Variants in ATP5IF1 observed in about 807,000 individuals in gnomAD.
The protein encoded by ATP5IF1 is ATP synthase inhibitory factor subunit 1, also known as ATPase inhibitor, mitochondrial.
ATP5IF1 carries 12 observed loss-of-function variants against 8.5 expected under a neutral mutation model. That is an observed-to-expected ratio of 1.41 (90% CI 0.90 to 2.28). The LOEUF (loss-of-function observed/expected upper bound fraction) is 2.28. Ranked by LOEUF, ATP5IF1 falls within the 30% of genes most tolerant of loss-of-function variation. The pLI is 0.00. For missense variants in ATP5IF1, 154 were observed against 140.2 expected, an observed-to-expected ratio of 1.10 and a Z score of -0.50; for synonymous variants, 51 against 53.4, an observed-to-expected ratio of 0.96 and a Z score of 0.19.
At chr1:28,237,216 A>G in intron 2 of ATP5IF1, 1 of 991,282 alleles carries the variant, frequency 1.0e-6, no homozygotes, top group Non-Finnish European at 1.2e-6. Flanking sequence ...AATTATCACC[A>G]TGACACCTGC....
intron 2 of ATP5IF1, chr1:28,237,497 C>T: frequency 2.2e-6 from 3 of 1,342,144 alleles, no homozygotes; most frequent in East Asian, 2.9e-5. Flanking sequence ...ACCCCTTTGT[C>T]TGTCTTCCTC....
Position 28,236,136 on chromosome 1 carries a change from G to C in ATP5IF1, c.-48G>C, listed in dbSNP as rs769016974. ...CGTCCCTGCCATTAGCGCGTAACGA[G>C]AGACTGCTTGCTGCGGCAGAGACGC... On this transcript the variant is annotated 5_prime_UTR_variant, in exon 1 of 3. Transcript: ENST00000335514. The C allele has an allele frequency of 6.2e-7, 1 of 1,603,536 alleles. No homozygotes were observed. Among genetic ancestry groups the C allele is most frequent in the African/African-American group, 1.3e-5 (1 of 74,912 alleles).
chr1:28,237,156 A>C (rs1489807529), intron 2 of ATP5IF1: 1 of 991,988 alleles, frequency 1.0e-6, no homozygotes, highest in Non-Finnish European at 1.2e-6. Flanking sequence ...GTGAGGAATT[A>C]ATCTTGCTTT....
intron 2 of ATP5IF1, chr1:28,237,408 C>G: frequency 4.5e-6 from 5 of 1,100,846 alleles, no homozygotes; most frequent in Non-Finnish European, 5.5e-6. Context: ...ATTGGCCTTA[C>G]AGTGGGCCAT....
chr1:28,236,688 G>A (rs1647039874), intron 2 of ATP5IF1: 2 of 1,431,392 alleles, frequency 1.4e-6, no homozygotes, highest in Middle Eastern at 2.6e-4. Context: ...TTCCACCGGC[G>A]GGTCTCCAAA....
chr1:28,238,070 T>A lies in ATP5IF1; in HGVS notation c.*92T>A. ...TAACTAATATTTGTCTGTGTGCTACTAACAGATTATAATAAATTGTCATCA... is the reference window on the plus strand; with the variant it reads ...TAACTAATATTTGTCTGTGTGCTACAAACAGATTATAATAAATTGTCATCA... On this transcript the variant is annotated 3_prime_UTR_variant, in exon 3 of 3. Coordinates refer to ENST00000335514, the MANE Select transcript of ATP5IF1 (RefSeq NM_016311.5). The A allele has an allele frequency of 8.0e-7, 1 of 1,252,734 alleles. No homozygotes were observed. Among genetic ancestry groups the A allele is most frequent in the Non-Finnish European group, 1.1e-6 (1 of 907,826 alleles). 77.6% of individuals were successfully genotyped at this position (1,252,734 alleles called of 1,614,324 possible).
At chr1:28,236,783 T>C (rs1647040919) in intron 2 of ATP5IF1, 2 of 1,252,538 alleles carry the variant, frequency 1.6e-6, no homozygotes, top group Admixed American at 3.4e-5. Context: ...CCCCAGATTC[T>C]TCGCACAGTG....
In ATP5IF1 at chr1:28,238,061, G is replaced by T. The variant is rs115245379; in HGVS notation, c.*83G>T. Reference sequence around the variant, plus strand: ...GTTCTGGTTTAACTAATATTTGTCTGTGTGCTACTAACAGATTATAATAAA... The same window carrying T: ...GTTCTGGTTTAACTAATATTTGTCTTTGTGCTACTAACAGATTATAATAAA... On this transcript the variant is annotated 3_prime_UTR_variant, in exon 3 of 3. Transcript: ENST00000335514. The T allele has an allele frequency of 3.7e-4, 501 of 1,340,970 alleles. 3 individuals are homozygous for T. In the African/African-American group the frequency reaches 6.0e-3, roughly 16 times the overall value. The allele number at this position is 1,340,970 out of a possible 1,614,324, so 83.1% of individuals were successfully genotyped here.
At position 28,238,074 on chromosome 1, in the gene ATP5IF1, A is replaced by G; in HGVS notation, c.*96A>G. The G allele has an allele frequency of 8.0e-7, 1 of 1,248,934 alleles. No homozygotes were observed. The highest frequency in any genetic ancestry group is 1.1e-6 in the Non-Finnish European group (1 of 906,260). 77.4% of individuals were successfully genotyped at this position (1,248,934 alleles called of 1,614,324 possible). The stretch of plus-strand genomic sequence containing the variant: ...TAATATTTGTCTGTGTGCTACTAAC[A>G]GATTATAATAAATTGTCATCAGTGA... On this transcript the variant is annotated 3_prime_UTR_variant, in exon 3 of 3. Transcript: ENST00000335514.
At chr1:28,237,715 G>T (rs369695947) in intron 2 of ATP5IF1, 122 bp from the exon 3 acceptor site, 3 of 1,610,418 alleles carry the variant, frequency 1.9e-6, no homozygotes, top group Middle Eastern at 1.7e-4. Flanking sequence ...AGAAGAGGAT[G>T]ACCAGCTAGA....
In ATP5IF1 at chr1:28,237,872, A is replaced by G; in HGVS notation, c.215A>G (p.Lys72Arg). 1 of 1,614,208 alleles carries G rather than the reference A, an allele frequency of 6.2e-7. No homozygotes were observed. The highest frequency in any genetic ancestry group is 8.5e-7 in the Non-Finnish European group (1 of 1,180,048). Residue 72 changes from lysine to arginine, a missense_variant, in exon 3 of 3, where the codon AAA becomes AGA. Lys to Arg is a conservative substitution (Grantham distance 26). Transcript: ENST00000335514. ...QSREQLAALK[K>R]HHEEEIVHHK... ...AGAGAACAACTGGCAGCTTTGAAAAAACACCATGAAGAAGAAATCGTTCAT... is the reference window on the plus strand; with the variant it reads ...AGAGAACAACTGGCAGCTTTGAAAAGACACCATGAAGAAGAAATCGTTCAT...
chr1:28,236,583 C>A, intron 2 of ATP5IF1, 131 bp downstream of exon 2: 1 of 1,544,738 alleles, frequency 6.5e-7, no homozygotes, highest in South Asian at 1.2e-5. Context: ...CTCCCGGGCC[C>A]CAATCCAGTA....
rs752869401 is a variant in ATP5IF1 at position 28,237,846 on chromosome 1, T to A, written c.189T>A (p.Ser63Arg). Residue 63 changes from serine to arginine, a missense_variant, in exon 3 of 3, where the codon AGT becomes AGA. Transcript: ENST00000335514. The stretch of plus-strand genomic sequence containing the variant: ...CACCGTGTCCTTGTAGAGCACAGAG[T>A]AGAGAACAACTGGCAGCTTTGAAAA... The part of the protein sequence containing the change: ...AEEERYFRAQ[S>R]REQLAALKKH... 6.2e-7 allele frequency: 1 copy of A among 1,613,970 alleles called. No homozygotes were observed. The highest frequency in any genetic ancestry group is 2.2e-5 in the East Asian group (1 of 44,878).
intron 2 of ATP5IF1, chr1:28,237,329 C>T (rs550991437): frequency 1.7e-4 from 167 of 1,007,678 alleles, no homozygotes; most frequent in Middle Eastern, 1.0e-3. Flanking sequence ...ACCAAACCAA[C>T]ATTGTAATCC....
intron 1 of ATP5IF1, 25 bp from the exon 2 acceptor site, chr1:28,236,336 T>TACC: frequency 1.2e-6 from 2 of 1,614,212 alleles, no homozygotes; most frequent in Non-Finnish European, 1.7e-6. Flanking sequence ...TCCGTACCTT[T>TACC]ACCAGTGTCC....
At chr1:28,237,010 C>A (rs1217068587) in intron 2 of ATP5IF1, 49 of 1,024,518 alleles carry the variant, frequency 4.8e-5, no homozygotes, top group Non-Finnish European at 5.6e-5. Flanking sequence ...ACACCATCTT[C>A]TAAAGGCTTT....
Position 28,237,185 on chromosome 1 carries a change from T to C in ATP5IF1, c.180-652T>C, listed in dbSNP as rs533785720. On this transcript the variant is annotated intron_variant, in intron 2 of 2. Coordinates refer to ENST00000335514, the MANE Select transcript of ATP5IF1 (RefSeq NM_016311.5). ...TTGCTTTTGCTTGTCCTTTGGCCTT[T>C]CACTTCTGCCTTCTGTTGAGAATTA... The C allele has an allele frequency of 1.5e-4, 145 of 991,478 alleles. No individual in the cohort carries two copies. The African/African-American group carries it at 2.4e-3, about 16-fold the overall frequency. The allele number at this position is 991,478 out of a possible 1,614,324, so 61.4% of individuals were successfully genotyped here. A position where few individuals can be genotyped will look rare whatever the true frequency, so the allele number is the denominator to read the frequency against.
chr1:28,237,572 A>G, intron 2 of ATP5IF1: 1 of 1,442,040 alleles, frequency 6.9e-7, no homozygotes, highest in Non-Finnish European at 9.1e-7. Context: ...CTCATAAGGT[A>G]TTAGGGACTT....
At chr1:28,237,736 A>G (rs752878076) in intron 2 of ATP5IF1, 101 bp from the exon 3 acceptor site, 3 of 1,613,568 alleles carry the variant, frequency 1.9e-6, no homozygotes, top group Admixed American at 1.7e-5. Flanking sequence ...CTCCCATGGA[A>G]TTGGAACTCC....
Sources: allele counts gnomAD v4.1 joint callset, GRCh38; gene constraint gnomAD v4.1.1; transcripts MANE v1.5; gene names NCBI Gene and HGNC (gene_info 2026-07-23, HGNC 2026-07-21).